GRM2: variants seen among roughly 807,000 people sequenced by gnomAD.
GRM2 encodes the protein glutamate metabotropic receptor 2.
In GRM2, 35 loss-of-function variants were observed where a neutral mutation model predicts 60.4. The ratio of observed to expected loss-of-function variants is 0.58; its 90% CI spans 0.44 to 0.77. The LOEUF is 0.77. Among genes scored for constraint, GRM2 ranks in the 30% least tolerant of loss-of-function variants. GRM2 has a pLI of 0.00. For missense variants in GRM2, 925 were observed against 1,199.5 expected, an observed-to-expected ratio of 0.77 and a Z score of 3.38; for synonymous variants, 437 against 484.1, an observed-to-expected ratio of 0.90 and a Z score of 1.28.
Position 51,713,018 on chromosome 3 carries a change from G to C in GRM2, c.996G>C (p.Gln332His), listed in dbSNP as rs559122958. Residue 332 changes from glutamine (Q) to histidine (H), a missense_variant, in exon 3 of 6, where the codon CAG becomes CAC. Gln to His is a conservative substitution (Grantham distance 24). Coordinates refer to ENST00000395052, the MANE Select transcript of GRM2 (RefSeq NM_000839.5). The surrounding 1 kb of genome is among the most constrained non-coding windows in gnomAD (Gnocchi z 4.8). ...YPISDFASYFQSLDPWNNSRN... is the reference protein window; with the variant it reads ...YPISDFASYFHSLDPWNNSRN... ...TCAGTGACTTTGCCTCCTACTTCCA[G>C]AGCCTGGACCCTTGGAACAACAGCC... 4 of 1,613,374 alleles carry C rather than the reference G, an allele frequency of 2.5e-6. No homozygotes were observed. Among genetic ancestry groups the C allele is most frequent in the Admixed American group, 3.3e-5 (2 of 60,028 alleles).
Position 51,712,421 on chromosome 3 carries a change from C to T in GRM2, c.451-52C>T, listed in dbSNP as rs1255505956. ...TGCTAGCTGTGGGGGATGCACCTGT[C>T]TCTAGTGTTTGATCTGACCGCTGAT... On this transcript the variant is annotated intron_variant, in intron 2 of 5. Coordinates refer to ENST00000395052, the MANE Select transcript of GRM2 (RefSeq NM_000839.5). This position sits in a 1 kb window ranked among gnomAD's most constrained non-coding sequence, Gnocchi z 5.3. The T allele has an allele frequency of 8.2e-7, 1 of 1,212,332 alleles. No individual in the cohort carries two copies. The highest frequency in any genetic ancestry group is 1.5e-5 in the African/African-American group (1 of 67,408). The allele number at this position is 1,212,332 out of a possible 1,614,324, so 75.1% of individuals were successfully genotyped here.
rs139089076 is a variant in GRM2 at position 51,710,311 on chromosome 3, T to G, written c.450+878T>G. Among the ~76,000 whole-genome samples, 435 of 152,336 alleles carry G rather than the reference T, an allele frequency of 2.9e-3. 3 individuals carry two copies. The highest frequency in any genetic ancestry group is 9.9e-3 in the African/African-American group (413 of 41,568). On this transcript the variant is annotated intron_variant, in intron 2 of 5. Coordinates refer to ENST00000395052, the MANE Select transcript of GRM2 (RefSeq NM_000839.5). ...GCCCGGCCCACAACACTTTCTACTT[T>G]GAGGTTTGCCATGGAAATTTAATGA...
intron 1 of GRM2, chr3:51,708,095 C>T (rs1577549363): frequency 6.6e-6 from 1 of 151,838 alleles, no homozygotes; most frequent in East Asian, 1.9e-4. Flanking sequence ...GTCCCGCACT[C>T]TCACCCTCAG....
rs770031669 is a variant in GRM2 at position 51,709,212 on chromosome 3, C to T, written c.229C>T (p.His77Tyr). The T allele has an allele frequency of 6.2e-6, 10 of 1,610,086 alleles. No homozygotes were observed. Among genetic ancestry groups the T allele is most frequent in the Non-Finnish European group, 8.5e-7 (1 of 1,178,002 alleles). ...ACTGGACCGCATCAACCGTGACCCG[C>T]ACCTGCTGCCTGGCGTGCGCCTGGG... ...FALDRINRDP[H>Y]LLPGVRLGAH... The change falls in exon 2 of 6, where the codon CAC becomes TAC. Residue 77 changes from histidine (H) to tyrosine (Y), a missense_variant. Transcript: ENST00000395052.
intron 1 of GRM2, chr3:51,708,146 T>TA (rs560736869): frequency 9.8e-4 from 150 of 152,338 alleles, no homozygotes; most frequent in African/African-American, 3.5e-3. Flanking sequence ...GACACACACA[T>TA]ACGTGAACAT....
rs781567841 is a variant in GRM2 at position 51,718,247 on chromosome 3, C to T, written c.*135C>T. ...CTATGTCTGCCCCCAAAGTCACTTA[C>T]CCACCTCCTTACCCCAGCTCTTCAG... On this transcript the variant is annotated 3_prime_UTR_variant, in exon 6 of 6. Coordinates refer to ENST00000395052, the MANE Select transcript of GRM2 (RefSeq NM_000839.5). The surrounding 1 kb of genome is among the most constrained non-coding windows in gnomAD (Gnocchi z 4.2). The T allele has an allele frequency of 4.0e-5, 31 of 773,512 alleles. No homozygotes were observed. Among genetic ancestry groups the T allele is most frequent in the Non-Finnish European group, 6.2e-5 (27 of 434,258 alleles). 47.9% of individuals were successfully genotyped at this position (773,512 alleles called of 1,614,324 possible).
rs935257165 is a variant in GRM2, at chr3:51,716,803, G to A, written c.2364+666G>A. Among the ~76,000 whole-genome samples the A allele has an allele frequency of 2.0e-5, 3 of 152,192 alleles. No homozygotes were observed. Among genetic ancestry groups the A allele is most frequent in the Admixed American group, 2.0e-4 (3 of 15,284 alleles). On this transcript the variant is annotated intron_variant, in intron 4 of 5. Coordinates refer to ENST00000395052, the MANE Select transcript of GRM2 (RefSeq NM_000839.5). The surrounding 1 kb of genome is among the most constrained non-coding windows in gnomAD (Gnocchi z 4.0). ...AGATGAAGAAACAGAGACTCAGGGA[G>A]GTTCAATCCCTTGCCCAAGGTCACT...
Position 51,716,464 on chromosome 3 carries a change from G to A in GRM2, c.2364+327G>A, listed in dbSNP as rs1703901726. ...CCACTGAGGGGTCATCTGCAGAAGG[G>A]GTTGAGAGATGAAGCCAGGGAAGGC... On this transcript the variant is annotated intron_variant, in intron 4 of 5. Coordinates refer to ENST00000395052, the MANE Select transcript of GRM2 (RefSeq NM_000839.5). This position sits in a 1 kb window ranked among gnomAD's most constrained non-coding sequence, Gnocchi z 4.0. 6.6e-6 allele frequency among the ~76,000 whole-genome samples: 1 copy of A among 152,222 alleles called. No individual in the cohort carries two copies. Among genetic ancestry groups the A allele is most frequent in the Non-Finnish European group, 1.5e-5 (1 of 68,052 alleles).
In GRM2 at chr3:51,712,927, G is replaced by A. The variant is rs762928999; in HGVS notation, c.905G>A (p.Ser302Asn). 1.3e-5 allele frequency: 21 copies of A among 1,613,092 alleles called. No homozygotes were observed. The highest frequency in any genetic ancestry group is 1.3e-5 in the Non-Finnish European group (15 of 1,180,030). ...AGTGATGGTTGGGGGGCCCTGGAGA[G>A]TGTGGTGGCAGGCAGTGAGGGGGCT... is the stretch of plus-strand genomic sequence containing the variant. ...VASDGWGALE[S>N]VVAGSEGAAE... Residue 302 changes from serine (S) to asparagine (N), a missense_variant, in exon 3 of 6, where the codon AGT (serine) becomes AAT (asparagine). Transcript: ENST00000395052. The surrounding 1 kb of genome is among the most constrained non-coding windows in gnomAD (Gnocchi z 5.3).
chr3:51,714,978 G>T (rs1355482147), intron 3 of GRM2, 84 bp from the exon 4 acceptor site: 7 of 795,590 alleles, frequency 8.8e-6, no homozygotes, highest in Non-Finnish European at 1.4e-5. Flanking sequence ...TCTGGCATTT[G>T]GGTTCCATGT....
In GRM2 at chr3:51,716,897, T is replaced by G. The variant is rs556104716; in HGVS notation, c.2365-740T>G. Among the ~76,000 whole-genome samples the G allele has an allele frequency of 6.6e-6, 1 of 152,278 alleles. No homozygotes were observed. Among genetic ancestry groups the G allele is most frequent in the East Asian group, 1.9e-4 (1 of 5,164 alleles). ...AGGCGAAAGCCCCGGCAAAGGCCCC[T>G]TCCCCAGGACAGAGGTGTGGTGGCA... On this transcript the variant is annotated intron_variant, in intron 4 of 5. Coordinates refer to ENST00000395052, the MANE Select transcript of GRM2 (RefSeq NM_000839.5). The surrounding 1 kb of genome is among the most constrained non-coding windows in gnomAD (Gnocchi z 4.0).
At position 51,715,682 on chromosome 3, in the gene GRM2, C is replaced by G; in HGVS notation, c.1909C>G (p.Leu637Val). Residue 637 changes from leucine (L) to valine (V), a missense_variant, in exon 4 of 6, where the codon CTT (leucine) becomes GTT (valine). By Grantham distance (32) the Leu-to-Val change is conservative. Transcript: ENST00000395052. The surrounding 1 kb of genome is among the most constrained non-coding windows in gnomAD (Gnocchi z 9.0). Reference protein sequence around the residue: ...PSTAVCTLRRLGLGTAFSVCY... With the variant: ...PSTAVCTLRRVGLGTAFSVCY... ...CACGGCAGTGTGTACCTTACGGCGTCTTGGTTTGGGCACTGCCTTCTCTGT... is the reference window on the plus strand; with the variant it reads ...CACGGCAGTGTGTACCTTACGGCGTGTTGGTTTGGGCACTGCCTTCTCTGT... The G allele has an allele frequency of 6.2e-7, 1 of 1,614,274 alleles. No homozygotes were observed. Among genetic ancestry groups the G allele is most frequent in the Non-Finnish European group, 8.5e-7 (1 of 1,180,054 alleles).
Position 51,718,128 on chromosome 3 carries a change from G to A in GRM2, c.*16G>A, listed in dbSNP as rs547208173. On this transcript the variant is annotated 3_prime_UTR_variant, in exon 6 of 6. Coordinates refer to ENST00000395052, the MANE Select transcript of GRM2 (RefSeq NM_000839.5). The surrounding 1 kb of genome is among the most constrained non-coding windows in gnomAD (Gnocchi z 4.2). ...ATCGCTTTGAAGACCCCATACTCCC[G>A]CCCTGACACAGCTGCTCCTGGGAAC... is the stretch of plus-strand genomic sequence containing the variant. The A allele has an allele frequency of 6.8e-6, 11 of 1,609,692 alleles. No individual in the cohort carries two copies. The highest frequency in any genetic ancestry group is 6.7e-5 in the African/African-American group (5 of 74,906).
rs2107119252 is a variant in GRM2 at position 51,715,743 on chromosome 3, T to C, written c.1970T>C (p.Ile657Thr). 2 of 1,614,090 alleles carry C rather than the reference T, an allele frequency of 1.2e-6. No homozygotes were observed. The highest frequency in any genetic ancestry group is 2.2e-5 in the East Asian group (1 of 44,884). ...YSALLTKTNR[I>T]ARIFGGAREG... ...GCCCTGCTCACCAAGACCAACCGCATTGCACGCATCTTCGGTGGGGCCCGG... is the reference window on the plus strand; with the variant it reads ...GCCCTGCTCACCAAGACCAACCGCACTGCACGCATCTTCGGTGGGGCCCGG... The change falls in exon 4 of 6, where the codon ATT becomes ACT. Residue 657 changes from isoleucine to threonine, a missense_variant. By Grantham distance (89) the Ile-to-Thr change is moderately conservative. Coordinates refer to ENST00000395052, the MANE Select transcript of GRM2 (RefSeq NM_000839.5). The surrounding 1 kb of genome is among the most constrained non-coding windows in gnomAD (Gnocchi z 9.0).
intron 2 of GRM2, among the ~76,000 whole-genome samples, chr3:51,710,458 C>T (rs565574494): frequency 6.6e-6 from 1 of 152,264 alleles, no homozygotes; most frequent in African/African-American, 2.4e-5. Context: ...GAGAGGTGGG[C>T]CACATTCAAG....
chr3:51,713,376 A>T lies in GRM2; in HGVS notation c.1288+66A>T. 4.6e-6 allele frequency: 5 copies of T among 1,097,294 alleles called. No individual in the cohort carries two copies. The highest frequency in any genetic ancestry group is 6.6e-6 in the Non-Finnish European group (5 of 754,288). The allele number at this position is 1,097,294 out of a possible 1,614,324, so 68.0% of individuals were successfully genotyped here. On this transcript the variant is annotated intron_variant, in intron 3 of 5. Coordinates refer to ENST00000395052, the MANE Select transcript of GRM2 (RefSeq NM_000839.5). The surrounding 1 kb of genome is among the most constrained non-coding windows in gnomAD (Gnocchi z 4.8). The stretch of plus-strand genomic sequence containing the variant: ...AGAGGATGAGGGGAAGCAGAACTTC[A>T]GCTTCCATTCCTTTGCTAAGGAAAC...
At position 51,717,124 on chromosome 3, in the gene GRM2, A is replaced by ACG. The variant is rs1438917286; in HGVS notation, c.2365-512_2365-511insGC. Among the ~76,000 whole-genome samples the ACG allele has an allele frequency of 2.0e-5, 3 of 151,336 alleles. No homozygotes were observed. Among genetic ancestry groups the ACG allele is most frequent in the Admixed American group, 6.6e-5 (1 of 15,178 alleles). ...ACACCGTACCCACACATGCATGCACACACACACACACACTTGTACACACAG... is the reference window on the plus strand; with the variant it reads ...ACACCGTACCCACACATGCATGCACACGCACACACACACACTTGTACACACAG... On this transcript the variant is annotated intron_variant, in intron 4 of 5. Coordinates refer to ENST00000395052, the MANE Select transcript of GRM2 (RefSeq NM_000839.5). The surrounding 1 kb of genome is among the most constrained non-coding windows in gnomAD (Gnocchi z 6.0).
Position 51,709,179 on chromosome 3 carries a change from C to T in GRM2, c.196C>T (p.Leu66Phe). The T allele has an allele frequency of 1.2e-6, 2 of 1,612,318 alleles. No individual in the cohort carries two copies. The highest frequency in any genetic ancestry group is 1.7e-4 in the Middle Eastern group (1 of 6,058). Residue 66 changes from leucine to phenylalanine, a missense_variant, in exon 2 of 6, where the codon CTT becomes TTT. Physicochemically the swap from Leu to Phe is conservative, Grantham distance 22 (BLOSUM62 0). Coordinates refer to ENST00000395052, the MANE Select transcript of GRM2 (RefSeq NM_000839.5). ...TGGCATCCAGCGCCTGGAGGCCATG[C>T]TTTTTGCACTGGACCGCATCAACCG... ...HRGIQRLEAM[L>F]FALDRINRDP...
rs1703957056 is a variant in GRM2, at chr3:51,717,769, A to G, written c.2497A>G (p.Ser833Gly). Residue 833 changes from serine (S) to glycine (G), a missense_variant, in exon 5 of 6, where the codon AGC (serine) becomes GGC (glycine). By Grantham distance (56) the Ser-to-Gly change is moderately conservative. Coordinates refer to ENST00000395052, the MANE Select transcript of GRM2 (RefSeq NM_000839.5). The surrounding 1 kb of genome is among the most constrained non-coding windows in gnomAD (Gnocchi z 6.0). ...KNVVSHRAPT[S>G]RFGSAAARAS... is the part of the protein sequence containing the mutation. ...CGTGGTTAGCCACCGGGCACCCACC[A>G]GCCGCTTTGGCAGTGCTGCTGCCAG... 1.2e-6 allele frequency: 2 copies of G among 1,614,026 alleles called. No homozygotes were observed. Among genetic ancestry groups the G allele is most frequent in the African/African-American group, 1.3e-5 (1 of 74,946 alleles).
Sources: allele counts gnomAD v4.1 joint callset (sites outside exome capture counted in the v4.1 genomes callset), GRCh38; gene constraint gnomAD v4.1.1; non-coding constraint Gnocchi (gnomAD v3.1); transcripts MANE v1.5; gene names NCBI Gene and HGNC (gene_info 2026-07-23, HGNC 2026-07-21).